Variants in EPB41L5 observed in about 807,000 individuals in gnomAD.
The protein encoded by EPB41L5 is band 4.1-like protein 5.
A neutral mutation model predicts 106.6 loss-of-function variants in EPB41L5; 55 were observed. The observed-to-expected ratio is 0.52, with a 90% CI of 0.42 to 0.65. The LOEUF (loss-of-function observed/expected upper bound fraction) is 0.65. EPB41L5 is among the 30% of genes least tolerant of loss of function. The probability of loss-of-function intolerance (pLI) is 0.00; values close to 1 mark genes in which losing one functional copy is unlikely to be tolerated. For missense variants in EPB41L5, 871 were observed against 882.1 expected (o/e 0.99, Z 0.16); for synonymous variants, 297 against 306.7 (o/e 0.97, Z 0.33).
At chr2:120,090,202 CTTA>C in intron 11 of EPB41L5, 142 bp from the exon 12 acceptor site, 5 of 540,466 alleles carry the variant, frequency 9.3e-6, no homozygotes, top group Non-Finnish European at 1.5e-5. Context: ...CAGCTCTGCC[CTTA>C]TTATGTTGAT....
chr2:120,102,646 A>G (rs1464880553), intron 16 of EPB41L5, among the ~76,000 whole-genome samples: 1 of 152,218 alleles, frequency 6.6e-6, no homozygotes, highest in African/African-American at 2.4e-5. Context: ...GGGCAGAATA[A>G]TGGACCATTC....
chr2:120,146,321 T>C (rs1216547653), intron 20 of EPB41L5, 32 bp downstream of exon 20: 6 of 1,484,560 alleles, frequency 4.0e-6, no homozygotes, highest in Middle Eastern at 1.7e-4. Flanking sequence ...ATTAAATTGA[T>C]GTTCTTATCT....
Position 120,175,468 on chromosome 2 carries a change from T to C in EPB41L5, c.*561T>C, listed in dbSNP as rs745488401. 6.6e-6 allele frequency: 1 copy of C among 152,374 alleles called. No individual in the cohort carries two copies. The highest frequency in any genetic ancestry group is 2.4e-5 in the African/African-American group (1 of 41,304). The allele number at this position is 152,374 out of a possible 1,614,324, so 9.4% of individuals were successfully genotyped here. On this transcript the variant is annotated 3_prime_UTR_variant, in exon 25 of 25. Coordinates refer to ENST00000263713, the MANE Select transcript of EPB41L5 (RefSeq NM_020909.4). ...CAACACTAAAGAGAAGTTTAGAATA[T>C]AGAGAGTTTTTAAATGTCTCCCATT...
At chr2:120,038,887 A>G (rs1679211864) in intron 2 of EPB41L5, among the ~76,000 whole-genome samples, 1 of 152,268 alleles carries the variant, frequency 6.6e-6, no homozygotes, top group Non-Finnish European at 1.5e-5. Flanking sequence ...TGTTCGTGGC[A>G]GCATTATTCC....
chr2:120,100,350 T>G lies in EPB41L5; in HGVS notation c.1221+64T>G, dbSNP rs901159727. Reference sequence around the variant, plus strand: ...GTTAATTATGGTAACAGTAGTAGTATTGATTGGATTTTCATAGTGGTGTAT... The same window carrying G: ...GTTAATTATGGTAACAGTAGTAGTAGTGATTGGATTTTCATAGTGGTGTAT... On this transcript the variant is annotated intron_variant, in intron 15 of 24. Coordinates refer to ENST00000263713, the MANE Select transcript of EPB41L5 (RefSeq NM_020909.4). 8 of 1,472,784 alleles carry G rather than the reference T, an allele frequency of 5.4e-6. No individual in the cohort carries two copies. The Admixed American group carries it at 1.1e-4, about 19-fold the overall frequency. The allele number at this position is 1,472,784 out of a possible 1,614,324, so 91.2% of individuals were successfully genotyped here. A position where few individuals can be genotyped will look rare whatever the true frequency, so the allele number is the denominator to read the frequency against.
In EPB41L5 at chr2:120,175,555, GAGA is replaced by G. The variant is rs1687890265; in HGVS notation, c.*653_*655del. 6.6e-6 allele frequency: 1 copy of G among 152,002 alleles called. No homozygotes were observed. Among genetic ancestry groups the G allele is most frequent in the African/African-American group, 2.4e-5 (1 of 41,360 alleles). 9.4% of individuals were successfully genotyped at this position (152,002 alleles called of 1,614,324 possible). On this transcript the variant is annotated 3_prime_UTR_variant, in exon 25 of 25. Transcript: ENST00000263713. ...TCAAGTTTACATCAAGATAAACCCT[GAGA>G]AGAACTACGGAGAAATCAAATAAAA...
chr2:120,096,992 G>T (rs945920268), intron 14 of EPB41L5, among the ~76,000 whole-genome samples: 2 of 152,160 alleles, frequency 1.3e-5, no homozygotes, highest in African/African-American at 2.4e-5. Context: ...GTACGTAGTT[G>T]AAAAATTAAG....
chr2:120,114,374 A>G (rs78783248), intron 16 of EPB41L5, among the ~76,000 whole-genome samples: 3,543 of 152,270 alleles, frequency 0.023, 67 homozygotes, highest in Non-Finnish European at 0.036. Context: ...CTGGGCTGTA[A>G]TATGTGGTAC....
At chr2:120,026,225 G>C (rs1678303150) in intron 2 of EPB41L5, among the ~76,000 whole-genome samples, 1 of 152,126 alleles carries the variant, frequency 6.6e-6, no homozygotes, top group African/African-American at 2.4e-5. Flanking sequence ...TACATATTTT[G>C]GGGGTACATA....
chr2:120,093,936 T>C (rs557922815), intron 14 of EPB41L5, among the ~76,000 whole-genome samples: 3 of 152,204 alleles, frequency 2.0e-5, no homozygotes, highest in Non-Finnish European at 2.9e-5. Context: ...TTAAAAATTC[T>C]TATGAGAGAT....
chr2:120,153,652 G>A (rs1252852393), intron 20 of EPB41L5, among the ~76,000 whole-genome samples: 2 of 151,942 alleles, frequency 1.3e-5, no homozygotes, highest in Non-Finnish European at 2.9e-5. Flanking sequence ...TACATATTTT[G>A]CTTCATATAT....
At chr2:120,111,309 T>C (rs1458363129) in intron 16 of EPB41L5, among the ~76,000 whole-genome samples, 1 of 152,210 alleles carries the variant, frequency 6.6e-6, no homozygotes, top group African/African-American at 2.4e-5. Flanking sequence ...TGTTCAAAAT[T>C]GGACAAATAT....
intron 12 of EPB41L5, among the ~76,000 whole-genome samples, chr2:120,090,909 T>C (rs1458595298): frequency 6.6e-6 from 1 of 152,224 alleles, no homozygotes; most frequent in African/African-American, 2.4e-5. Flanking sequence ...AAGGTCATTA[T>C]TCTCATGACT....
intron 2 of EPB41L5, among the ~76,000 whole-genome samples, chr2:120,040,767 G>C (rs941117830): frequency 1.3e-5 from 2 of 152,048 alleles, no homozygotes; most frequent in Non-Finnish European, 2.9e-5. Flanking sequence ...GGACATGAAG[G>C]CATGGTCAAG....
rs116779403 is a variant in EPB41L5 at position 120,024,754 on chromosome 2, C to T, written c.180+5490C>T. ...AATTACAGGCGTGAGCCACCACGCC[C>T]GGCCAATCCTGTGGTTTTTGTCATT... On this transcript the variant is annotated intron_variant, in intron 2 of 24. Coordinates refer to ENST00000263713, the MANE Select transcript of EPB41L5 (RefSeq NM_020909.4). 4.2e-3 allele frequency among the ~76,000 whole-genome samples: 644 copies of T among 152,206 alleles called. 2 individuals are homozygous for T. Among genetic ancestry groups the T allele is most frequent in the Admixed American group, 9.1e-3 (139 of 15,264 alleles).
intron 2 of EPB41L5, among the ~76,000 whole-genome samples, chr2:120,039,919 GGTGACA>G (rs1189319759): frequency 6.6e-6 from 1 of 151,850 alleles, no homozygotes; most frequent in Non-Finnish European, 1.5e-5. Flanking sequence ...ACTGATCTCA[GGTGACA>G]TTCCAGGTGA....
chr2:120,054,226 A>G (rs761350868), intron 3 of EPB41L5, among the ~76,000 whole-genome samples: 1 of 151,998 alleles, frequency 6.6e-6, no homozygotes, highest in Non-Finnish European at 1.5e-5. Flanking sequence ...GTCTATTCAG[A>G]TCCTTTGCCT....
chr2:120,040,128 G>A (rs1679310588), intron 2 of EPB41L5, among the ~76,000 whole-genome samples: 1 of 151,540 alleles, frequency 6.6e-6, no homozygotes. Flanking sequence ...AAAAAAAGAT[G>A]GCAGCACTGA....
chr2:120,022,908 G>T (rs1678035453), intron 2 of EPB41L5, among the ~76,000 whole-genome samples: 1 of 152,122 alleles, frequency 6.6e-6, no homozygotes, highest in African/African-American at 2.4e-5. Context: ...TTGTGATTTT[G>T]ATTTGCATTT....
Sources: allele counts gnomAD v4.1 joint callset (sites outside exome capture counted in the v4.1 genomes callset), GRCh38; gene constraint gnomAD v4.1.1; transcripts MANE v1.5; gene names NCBI Gene and HGNC (gene_info 2026-07-23, HGNC 2026-07-21).